CASP4: variants seen among roughly 807,000 people sequenced by gnomAD.
CASP4 encodes caspase-4.
CASP4 carries 29 observed loss-of-function variants against 41.3 expected under a neutral mutation model. That is an observed-to-expected ratio of 0.70 (90% CI 0.52 to 0.96). The LOEUF (loss-of-function observed/expected upper bound fraction) is 0.96, where lower values mean the gene tolerates loss of function less well. Among genes scored for constraint, CASP4 ranks in the 40% least tolerant of loss-of-function variants. The pLI is 0.00. For missense variants in CASP4, 447 were observed against 460.6 expected (o/e 0.97, Z 0.27); for synonymous variants, 185 against 158.4 (o/e 1.17, Z -1.26).
chr11:104,950,713 A>G (rs1283594742), intron 4 of CASP4, among the ~76,000 whole-genome samples: 1 of 151,944 alleles, frequency 6.6e-6, no homozygotes, highest in East Asian at 1.9e-4. Context: ...CGTGTCAATC[A>G]TGTTTAGTCT....
chr11:104,944,368 C>CTGTGTG (rs199937164), intron 8 of CASP4: 57 of 141,548 alleles, frequency 4.0e-4, no homozygotes, highest in African/African-American at 1.4e-3. Context: ...CTCTCTCTCT[C>CTGTGTG]TGTGTGTGTG....
At chr11:104,947,302 C>A in intron 6 of CASP4, 110 bp from the exon 7 acceptor site, 1 of 606,372 alleles carries the variant, frequency 1.6e-6, no homozygotes, top group Non-Finnish European at 2.8e-6. Flanking sequence ...TGGGAATTAT[C>A]TTTACAGATT....
At chr11:104,947,262 G>A (rs1860488124) in intron 6 of CASP4, 70 bp from the exon 7 acceptor site, 2 of 970,834 alleles carry the variant, frequency 2.1e-6, no homozygotes, top group South Asian at 3.6e-5. Flanking sequence ...TTTTTGTTTT[G>A]AGAATGTTTT....
chr11:104,947,182 G>A lies in CASP4; in HGVS notation c.936C>T (p.Ser312=). The A allele has an allele frequency of 1.2e-6, 2 of 1,602,990 alleles. No individual in the cohort carries two copies. Among genetic ancestry groups the A allele is most frequent in the Non-Finnish European group, 1.7e-6 (2 of 1,170,994 alleles). ...AFCSSTPHNV[S]WRDSTMGSIF... is the part of the protein sequence containing the mutation. ...TAGAGCCCATTGTGCTGTCTCTCCA[G>A]GACACGTTGTCTATAATGATACAGA... is the stretch of plus-strand genomic sequence containing the variant. The change falls in exon 7 of 9, where the codon TCC becomes TCT. Residue 312 remains serine (S), a synonymous_variant. Transcript: ENST00000444739.
At chr11:104,946,974 C>T (rs1331900190) in intron 7 of CASP4, 109 bp downstream of exon 7, 6 of 733,180 alleles carry the variant, frequency 8.2e-6, no homozygotes, top group East Asian at 7.5e-5. Context: ...AAACTGGGTA[C>T]CTCTCTACTT....
At chr11:104,956,857 G>A (rs1304438615) in intron 1 of CASP4, among the ~76,000 whole-genome samples, 1 of 152,082 alleles carries the variant, frequency 6.6e-6, no homozygotes, top group Non-Finnish European at 1.5e-5. Context: ...AACTAATATA[G>A]TGTTGACTGA....
intron 3 of CASP4, 60 bp downstream of exon 3, chr11:104,951,836 A>G (rs1486132831): frequency 9.2e-7 from 1 of 1,091,870 alleles, no homozygotes; most frequent in South Asian, 1.2e-5. Flanking sequence ...GAAATGGTGC[A>G]CTGAAGGAAA....
At chr11:104,951,853 A>C in intron 3 of CASP4, 43 bp downstream of exon 3, 2 of 1,288,356 alleles carry the variant, frequency 1.6e-6, no homozygotes, top group South Asian at 2.4e-5. Flanking sequence ...GAAAGCAATG[A>C]TATCTCTTCT....
At chr11:104,951,207 T>G in intron 3 of CASP4, 109 bp from the exon 4 acceptor site, 1 of 871,390 alleles carries the variant, frequency 1.1e-6, no homozygotes. Flanking sequence ...CTCTCTGCTC[T>G]AACTTGTATC....
intron 7 of CASP4, among the ~76,000 whole-genome samples, chr11:104,945,068 G>A (rs893283921): frequency 2.0e-5 from 3 of 152,080 alleles, no homozygotes; most frequent in African/African-American, 7.2e-5. Flanking sequence ...AACACCTCAT[G>A]TCTAATCCAA....
At chr11:104,956,545 C>T in intron 1 of CASP4, 1 of 463,060 alleles carries the variant, frequency 2.2e-6, no homozygotes, top group Non-Finnish European at 2.8e-6. Context: ...GAATTGAAAT[C>T]TAGGGGTTCA....
intron 4 of CASP4, 143 bp from the exon 5 acceptor site, chr11:104,949,920 G>A (rs1860566618): frequency 1.4e-6 from 1 of 725,510 alleles, no homozygotes; most frequent in Non-Finnish European, 2.3e-6. Context: ...CATGACAGCT[G>A]TTTAATGGTT....
Position 104,962,417 on chromosome 11 carries a change from G to A in CASP4, c.7+6102C>T, listed in dbSNP as rs182895385. Among the ~76,000 whole-genome samples, 608 of 152,294 alleles carry A rather than the reference G, an allele frequency of 4.0e-3. 4 individuals carry two copies. The highest frequency in any genetic ancestry group is 0.015 in the South Asian group (71 of 4,828). On this transcript the variant is annotated intron_variant, in intron 1 of 8. Coordinates refer to ENST00000444739, the MANE Select transcript of CASP4 (RefSeq NM_001225.4). ...GATTAATAGAAAAAAGAATTTACAAGACTAGTCTTAGCCTATAGCAAATCT... is the reference window on the plus strand; with the variant it reads ...GATTAATAGAAAAAAGAATTTACAAAACTAGTCTTAGCCTATAGCAAATCT...
intron 3 of CASP4, 113 bp downstream of exon 3, chr11:104,951,783 A>T: frequency 1.4e-6 from 1 of 729,164 alleles, no homozygotes; most frequent in Non-Finnish European, 2.5e-6. Context: ...CATTATTGAA[A>T]ATGGTTACTG....
At chr11:104,952,303 G>A (rs751401767) in intron 2 of CASP4, among the ~76,000 whole-genome samples, 14 of 151,902 alleles carry the variant, frequency 9.2e-5, no homozygotes, top group Admixed American at 5.3e-4. Flanking sequence ...TTTTCCAAAG[G>A]TTTTACTCCA....
chr11:104,961,719 T>C (rs1482800763), intron 1 of CASP4, among the ~76,000 whole-genome samples: 3 of 152,184 alleles, frequency 2.0e-5, no homozygotes, highest in African/African-American at 7.2e-5. Context: ...TTAGGGATCA[T>C]CTGATTTGGA....
At chr11:104,959,219 G>A (rs1860806541) in intron 1 of CASP4, among the ~76,000 whole-genome samples, 2 of 152,086 alleles carry the variant, frequency 1.3e-5, no homozygotes, top group African/African-American at 4.8e-5. Flanking sequence ...TGAAGAAAAT[G>A]TGGATTATAT....
intron 1 of CASP4, among the ~76,000 whole-genome samples, chr11:104,962,034 G>A (rs1254752559): frequency 4.6e-5 from 7 of 152,210 alleles, no homozygotes; most frequent in Admixed American, 4.6e-4. Flanking sequence ...GGTGCTGAAC[G>A]AGGTGACTAG....
intron 2 of CASP4, 120 bp downstream of exon 2, chr11:104,954,627 A>T: frequency 1.1e-6 from 1 of 940,896 alleles, no homozygotes; most frequent in Non-Finnish European, 1.6e-6. Flanking sequence ...AGATAGGTTT[A>T]GTGAAAATGA....
Sources: gnomAD v4.1 joint callset for allele counts (sites outside exome capture counted in the v4.1 genomes callset) on GRCh38, gnomAD v4.1.1 for gene constraint, MANE v1.5 for transcripts, NCBI Gene and HGNC (gene_info 2026-07-23, HGNC 2026-07-21) for gene names.